LRRTM4: variants seen among roughly 807,000 people sequenced by gnomAD.
The protein encoded by LRRTM4 is leucine rich repeat transmembrane neuronal 4.
LRRTM4 carries 25 observed loss-of-function variants against 47.6 expected under a neutral mutation model. The ratio of observed to expected loss-of-function variants is 0.53; its 90% CI spans 0.38 to 0.73. The LOEUF is 0.73. LRRTM4 is among the 30% of genes least tolerant of loss of function. The pLI, the probability that LRRTM4 is intolerant of heterozygous loss-of-function variation, is 0.00. For missense variants in LRRTM4, 638 were observed against 713.4 expected, an observed-to-expected ratio of 0.89 and a Z score of 1.20; for synonymous variants, 311 against 269.5, an observed-to-expected ratio of 1.15 and a Z score of -1.51.
Position 76,763,363 on chromosome 2 carries a change from T to C in LRRTM4, c.1552-14447A>G, listed in dbSNP as rs1343432193. On this transcript the variant is annotated intron_variant, in intron 3 of 3. Transcript: ENST00000409884. ...TAAATGAGGTCACAAGGTGGGTTCC[T>C]GATCTGCTAGAATTAGTGTCTTCAT... 2.6e-5 allele frequency among the ~76,000 whole-genome samples: 4 copies of C among 152,234 alleles called. No homozygotes were observed. The East Asian group carries it at 7.7e-4, about 29-fold the overall frequency.
intron 3 of LRRTM4, among the ~76,000 whole-genome samples, chr2:76,779,372 C>A (rs972010091): frequency 1.3e-5 from 2 of 150,558 alleles, no homozygotes; most frequent in South Asian, 2.1e-4. Flanking sequence ...GTTAAAGTCT[C>A]CCATTATTAA....
At chr2:77,250,567 GTCT>G (rs1213075782) in intron 3 of LRRTM4, among the ~76,000 whole-genome samples, 1 of 152,050 alleles carries the variant, frequency 6.6e-6, no homozygotes, top group Non-Finnish European at 1.5e-5. Flanking sequence ...ACATAAACAG[GTCT>G]TCTTAAGTGG....
chr2:77,274,716 T>C (rs1471335157), intron 3 of LRRTM4, among the ~76,000 whole-genome samples: 13 of 152,174 alleles, frequency 8.5e-5, no homozygotes, highest in African/African-American at 7.2e-5. Flanking sequence ...TTTAATAGCA[T>C]AGCTCATTCC....
rs1048634100 is a variant in LRRTM4 at position 77,146,764 on chromosome 2, C to A, written c.1551+371554G>T. On this transcript the variant is annotated intron_variant, in intron 3 of 3. Coordinates refer to ENST00000409884, the MANE Select transcript of LRRTM4 (RefSeq NM_001134745.3). ...GGGTGATGGTAAAAAATTCAAATCT[C>A]CAAGCAGTTAAATTAATCTTAAATA... 1.2e-4 allele frequency among the ~76,000 whole-genome samples: 19 copies of A among 152,090 alleles called. 1 individual carries two copies. The highest frequency in any genetic ancestry group is 1.2e-3 in the Admixed American group (19 of 15,260).
chr2:77,403,021 G>A (rs1026989042), intron 3 of LRRTM4, among the ~76,000 whole-genome samples: 2 of 151,694 alleles, frequency 1.3e-5, no homozygotes, highest in Non-Finnish European at 2.9e-5. Context: ...TAAGATTCCT[G>A]TATTTTCATG....
intron 3 of LRRTM4, among the ~76,000 whole-genome samples, chr2:76,978,365 T>C (rs78911088): frequency 0.051 from 7,688 of 152,160 alleles, 598 homozygotes; most frequent in African/African-American, 0.16. Context: ...AAGGATTTTA[T>C]TGCTTAGTTA....
At chr2:76,798,659 G>A (rs1255696133) in intron 3 of LRRTM4, among the ~76,000 whole-genome samples, 3 of 151,272 alleles carry the variant, frequency 2.0e-5, no homozygotes, top group Admixed American at 6.6e-5. Context: ...AATGAATCCA[G>A]GAGCTGGTTT....
At position 77,035,164 on chromosome 2, in the gene LRRTM4, T is replaced by TA. The variant is rs1182308264; in HGVS notation, c.1552-286249dup. 2.6e-5 allele frequency among the ~76,000 whole-genome samples: 4 copies of TA among 151,910 alleles called. No individual in the cohort carries two copies. The East Asian group carries it at 7.7e-4, about 29-fold the overall frequency. ...TGCCATGTTGGTGTGCTGCACCCAT[T>TA]AACTCGTCATTTACATTAGATATAT... On this transcript the variant is annotated intron_variant, in intron 3 of 3. Coordinates refer to ENST00000409884, the MANE Select transcript of LRRTM4 (RefSeq NM_001134745.3).
intron 3 of LRRTM4, among the ~76,000 whole-genome samples, chr2:77,294,263 C>T (rs1206019189): frequency 6.7e-6 from 1 of 150,132 alleles, no homozygotes; most frequent in Admixed American, 6.6e-5. Flanking sequence ...TTTGGAAAAT[C>T]AGGAGGAAAA....
At chr2:77,298,120 T>C (rs1677023100) in intron 3 of LRRTM4, among the ~76,000 whole-genome samples, 1 of 152,212 alleles carries the variant, frequency 6.6e-6, no homozygotes, top group Non-Finnish European at 1.5e-5. Context: ...AATCAGTCAG[T>C]AGGAATAGTA....
chr2:76,817,514 T>A (rs1406206689), intron 3 of LRRTM4, among the ~76,000 whole-genome samples: 1 of 151,946 alleles, frequency 6.6e-6, no homozygotes, highest in African/African-American at 2.4e-5. Context: ...ATACTAGTTA[T>A]TTTTAAATGA....
intron 3 of LRRTM4, among the ~76,000 whole-genome samples, chr2:77,494,839 T>G (rs1678301641): frequency 6.6e-6 from 1 of 152,078 alleles, no homozygotes; most frequent in Non-Finnish European, 1.5e-5. Flanking sequence ...TAAACTTCTA[T>G]CACAATAAAT....
At chr2:76,782,067 C>A (rs904286631) in intron 3 of LRRTM4, among the ~76,000 whole-genome samples, 1 of 152,118 alleles carries the variant, frequency 6.6e-6, no homozygotes, top group African/African-American at 2.4e-5. Flanking sequence ...CATAGAATGA[C>A]TTCATTTTTT....
At chr2:77,269,660 A>T (rs1406552449) in intron 3 of LRRTM4, among the ~76,000 whole-genome samples, 1 of 152,238 alleles carries the variant, frequency 6.6e-6, no homozygotes, top group Non-Finnish European at 1.5e-5. Context: ...GAGCATGATT[A>T]TACAGGGATC....
chr2:77,198,784 A>T (rs1173622006), intron 3 of LRRTM4, among the ~76,000 whole-genome samples: 1 of 152,170 alleles, frequency 6.6e-6, no homozygotes, highest in Admixed American at 6.6e-5. Flanking sequence ...CCTTCTGCTA[A>T]TGTAGTCCTC....
intron 3 of LRRTM4, among the ~76,000 whole-genome samples, chr2:77,073,945 ATTTATC>A (rs556714600): frequency 1.5e-3 from 230 of 152,016 alleles, no homozygotes; most frequent in Admixed American, 3.9e-3. Flanking sequence ...TAATTTTACC[ATTTATC>A]TTTATGAGAA....
At chr2:76,812,912 G>C (rs893101755) in intron 3 of LRRTM4, among the ~76,000 whole-genome samples, 3 of 151,220 alleles carry the variant, frequency 2.0e-5, no homozygotes, top group African/African-American at 7.3e-5. Context: ...CATTGAAATA[G>C]GATTTTTCCA....
At chr2:77,102,044 C>T (rs570320856) in intron 3 of LRRTM4, among the ~76,000 whole-genome samples, 2 of 152,296 alleles carry the variant, frequency 1.3e-5, no homozygotes, top group African/African-American at 2.4e-5. Context: ...TTCCTGTTTC[C>T]CAGTTACTAT....
At chr2:77,129,501 G>A (rs751256093) in intron 3 of LRRTM4, among the ~76,000 whole-genome samples, 1 of 152,132 alleles carries the variant, frequency 6.6e-6, no homozygotes. Context: ...TCAGAAAAGG[G>A]AGTTATCAGA....
Sources: gnomAD v4.1 joint callset for allele counts (sites outside exome capture counted in the v4.1 genomes callset) on GRCh38, gnomAD v4.1.1 for gene constraint, MANE v1.5 for transcripts, NCBI Gene and HGNC (gene_info 2026-07-23, HGNC 2026-07-21) for gene names.